Variants in PCDHA8 observed in about 807,000 individuals in gnomAD.
PCDHA8 encodes protocadherin alpha 8.
In PCDHA8, 53 loss-of-function variants were observed where a neutral mutation model predicts 61.8. The observed-to-expected ratio is 0.86, with a 90% CI of 0.69 to 1.08. PCDHA8 has a LOEUF of 1.08. PCDHA8 is among the 50% of genes least tolerant of loss of function. The probability of loss-of-function intolerance (pLI) is 0.00; values close to 1 mark genes in which losing one functional copy is unlikely to be tolerated. For missense variants in PCDHA8, 1,293 were observed against 1,245.0 expected, an observed-to-expected ratio of 1.04 and a Z score of -0.58; for synonymous variants, 618 against 556.6, an observed-to-expected ratio of 1.11 and a Z score of -1.55.
At chr5:140,894,841 T>C in intron 1 of PCDHA8, among the ~76,000 whole-genome samples, 1 of 152,184 alleles carries the variant, frequency 6.6e-6, no homozygotes, top group East Asian at 1.9e-4. Context: ...TTTCTTATGC[T>C]CATTTTTATA....
chr5:140,870,892 G>T, intron 1 of PCDHA8: 4 of 1,613,960 alleles, frequency 2.5e-6, no homozygotes, highest in Non-Finnish European at 3.4e-6. Flanking sequence ...GCGCGCAGTG[G>T]ATGCGGACTC....
In PCDHA8 at chr5:141,011,816, A is replaced by G. The variant is rs1382441831; in HGVS notation, c.*1879A>G. The G allele has an allele frequency of 1.3e-5, 2 of 153,794 alleles. No homozygotes were observed. Among genetic ancestry groups the G allele is most frequent in the Admixed American group, 1.3e-4 (2 of 15,280 alleles). The allele number at this position is 153,794 out of a possible 1,614,324, so 9.5% of individuals were successfully genotyped here. On this transcript the variant is annotated 3_prime_UTR_variant, in exon 4 of 4. Transcript: ENST00000531613. ...TCTGAAATATCAGCTCATAGAAAGT[A>G]ACAAAATTTGCTGTCACCTTAAATA...
chr5:140,897,389 C>G (rs1212817070), intron 1 of PCDHA8, among the ~76,000 whole-genome samples: 1 of 139,546 alleles, frequency 7.2e-6, no homozygotes, highest in Non-Finnish European at 1.5e-5. Context: ...CTTCCTGTGT[C>G]CATGTGTTCT....
intron 1 of PCDHA8, among the ~76,000 whole-genome samples, chr5:140,941,374 T>C (rs1188935172): frequency 6.7e-6 from 1 of 148,216 alleles, no homozygotes; most frequent in African/African-American, 2.5e-5. Flanking sequence ...TGGAGTGTAG[T>C]GACAGGATTT....
chr5:140,905,170 G>A (rs1350085385), intron 1 of PCDHA8, among the ~76,000 whole-genome samples: 1 of 152,188 alleles, frequency 6.6e-6, no homozygotes, highest in Non-Finnish European at 1.5e-5. Context: ...ATGGTTTCAG[G>A]TTTTAGATTT....
chr5:141,009,132 G>A (rs2098400947), intron 3 of PCDHA8, among the ~76,000 whole-genome samples: 1 of 152,204 alleles, frequency 6.6e-6, no homozygotes, highest in African/African-American at 2.4e-5. Flanking sequence ...GTATCCTGGT[G>A]AAAAAACCTG....
chr5:140,885,335 A>T (rs183720535), intron 1 of PCDHA8, among the ~76,000 whole-genome samples: 2 of 152,246 alleles, frequency 1.3e-5, no homozygotes, highest in East Asian at 3.9e-4. Context: ...CCAAAGTTTG[A>T]AGGGATTTCC....
rs1554239929 is a variant in PCDHA8 at position 140,978,939 on chromosome 5, G to A, written c.2395-10G>A. 1 of 1,613,986 alleles carries A rather than the reference G, an allele frequency of 6.2e-7. No individual in the cohort carries two copies. The highest frequency in any genetic ancestry group is 1.3e-5 in the African/African-American group (1 of 74,908). On this transcript the variant is annotated splice_polypyrimidine_tract_variant and intron_variant, in intron 1 of 3. Transcript: ENST00000531613. ...CATTTTAACAGAAAACTCTCTTTGTGATTTTGCAGCCACGACAGCCCAACC... is the reference window on the plus strand; with the variant it reads ...CATTTTAACAGAAAACTCTCTTTGTAATTTTGCAGCCACGACAGCCCAACC...
chr5:140,851,135 A>G (rs782166459), intron 1 of PCDHA8: 3 of 1,314,088 alleles, frequency 2.3e-6, no homozygotes, highest in Admixed American at 2.9e-5. Flanking sequence ...ATTTGTGATT[A>G]AAGTGACATT....
intron 3 of PCDHA8, among the ~76,000 whole-genome samples, chr5:140,987,875 G>A (rs1293461683): frequency 6.6e-6 from 1 of 152,008 alleles, no homozygotes; most frequent in Non-Finnish European, 1.5e-5. Flanking sequence ...GTGGAAAATG[G>A]ACAGTTTATG....
chr5:140,871,473 A>G, intron 1 of PCDHA8: 2 of 1,600,218 alleles, frequency 1.2e-6, no homozygotes, highest in African/African-American at 1.3e-5. Flanking sequence ...GACAGGAGCC[A>G]GGGTCAAATC....
intron 1 of PCDHA8, chr5:140,850,254 G>A: frequency 3.8e-6 from 6 of 1,593,786 alleles, no homozygotes; most frequent in South Asian, 1.1e-5. Flanking sequence ...GTCGGTGGGC[G>A]CCGGCGTAGT....
intron 3 of PCDHA8, among the ~76,000 whole-genome samples, chr5:141,007,658 A>G (rs2098338890): frequency 6.6e-6 from 1 of 152,098 alleles, no homozygotes; most frequent in Non-Finnish European, 1.5e-5. Context: ...AAAAACCATA[A>G]ATTTACAAAG....
At chr5:140,896,858 A>C (rs1448787828) in intron 1 of PCDHA8, among the ~76,000 whole-genome samples, 3 of 152,192 alleles carry the variant, frequency 2.0e-5, no homozygotes, top group Non-Finnish European at 4.4e-5. Context: ...TGGGTACATA[A>C]TAAGTGTACA....
At chr5:140,872,977 GC>G (rs1326111410) in intron 1 of PCDHA8, among the ~76,000 whole-genome samples, 3 of 152,086 alleles carry the variant, frequency 2.0e-5, no homozygotes, top group African/African-American at 7.2e-5. Context: ...GAAGATTTGA[GC>G]AAAGATCATT....
chr5:140,989,686 C>T (rs534780216), intron 3 of PCDHA8, among the ~76,000 whole-genome samples: 2 of 152,254 alleles, frequency 1.3e-5, no homozygotes, highest in African/African-American at 4.8e-5. Flanking sequence ...TTCAAAGGAA[C>T]GTGAAAATTT....
rs60032403 is a variant in PCDHA8 at position 140,941,214 on chromosome 5, C to CCTTT, written c.2395-37696_2395-37693dup. Among the ~76,000 whole-genome samples, 254 of 122,478 alleles carry CCTTT rather than the reference C, an allele frequency of 2.1e-3. 3 individuals carry two copies. The highest frequency in any genetic ancestry group is 3.1e-3 in the Non-Finnish European group (180 of 58,666). 80.4% of individuals were successfully genotyped at this position (122,478 alleles called of 152,430 possible). Reference sequence around the variant, plus strand: ...TTTTTTCTTTCTTCCTTTCTTTCTTCCTTTCTTTCTTTCTTTCTTTCTTTC... The same window carrying CCTTT: ...TTTTTTCTTTCTTCCTTTCTTTCTTCCTTTCTTTCTTTCTTTCTTTCTTTCTTTC... On this transcript the variant is annotated intron_variant, in intron 1 of 3. Coordinates refer to ENST00000531613, the MANE Select transcript of PCDHA8 (RefSeq NM_018911.3).
chr5:140,929,085 G>A, intron 1 of PCDHA8: 1 of 1,614,174 alleles, frequency 6.2e-7, no homozygotes, highest in Non-Finnish European at 8.5e-7. Flanking sequence ...GAAGTAAGAT[G>A]GTTTCAAATC....
intron 1 of PCDHA8, chr5:140,927,681 G>A: frequency 6.2e-7 from 1 of 1,614,180 alleles, no homozygotes; most frequent in Non-Finnish European, 8.5e-7. Flanking sequence ...CAGATGAAGG[G>A]TCCAATGGGG....
Sources: allele counts gnomAD v4.1 joint callset (sites outside exome capture counted in the v4.1 genomes callset), GRCh38; gene constraint gnomAD v4.1.1; transcripts MANE v1.5; gene names NCBI Gene and HGNC (gene_info 2026-07-23, HGNC 2026-07-21).